The following ECPAS variants were observed in gnomAD, a reference collection of about 807,000 sequenced individuals.
The protein encoded by ECPAS is proteasome adapter and scaffold protein ECM29.
Under a neutral mutation model 255.1 loss-of-function variants are expected in ECPAS, and 70 were observed. That is an observed-to-expected ratio of 0.27 (90% CI 0.23 to 0.33). The LOEUF (loss-of-function observed/expected upper bound fraction) is 0.33, where lower values mean the gene tolerates loss of function less well. Ranked by LOEUF, ECPAS falls within the 10% of genes least tolerant of loss-of-function variation. ECPAS has a pLI of 1.00. For missense variants in ECPAS, 1,817 were observed against 2,206.4 expected (o/e 0.82, Z 3.54); for synonymous variants, 784 against 775.0 (o/e 1.01, Z -0.19).
At chr9:111,381,802 A>C (rs957432415) in intron 35 of ECPAS, among the ~76,000 whole-genome samples, 1 of 152,188 alleles carries the variant, frequency 6.6e-6, no homozygotes, top group Non-Finnish European at 1.5e-5. Context: ...TTAGCTTCTT[A>C]AACAGTTGGC....
intron 4 of ECPAS, among the ~76,000 whole-genome samples, chr9:111,443,127 A>G (rs1199619710): frequency 6.6e-6 from 1 of 152,232 alleles, no homozygotes; most frequent in Non-Finnish European, 1.5e-5. Context: ...TTTGATCCCA[A>G]GCAATTCAGA....
rs1168578783 is a variant in ECPAS, at chr9:111,484,239, GGGCCGAGCGGGCCCGGGCTGCCCTAGC to G, written c.-233_-207del. On this transcript the variant is annotated 5_prime_UTR_variant, in exon 1 of 50. Coordinates refer to ENST00000684092, the MANE Select transcript of ECPAS (RefSeq NM_001364929.1). ...CGCGCGCCGCAGTCCGTGAGGGGCTGGGCCGAGCGGGCCCGGGCTGCCCTAGCGGCCGGGGGAAATCCTCGAGGCGGG... is the reference window on the plus strand; with the variant it reads ...CGCGCGCCGCAGTCCGTGAGGGGCTGGGCCGGGGGAAATCCTCGAGGCGGG... The G allele has an allele frequency of 1.4e-6, 2 of 1,473,826 alleles. No homozygotes were observed. The highest frequency in any genetic ancestry group is 1.8e-6 in the Non-Finnish European group (2 of 1,118,856). The allele number at this position is 1,473,826 out of a possible 1,614,324, so 91.3% of individuals were successfully genotyped here.
chr9:111,465,730 T>G (rs887551212), intron 2 of ECPAS, among the ~76,000 whole-genome samples: 1 of 151,980 alleles, frequency 6.6e-6, no homozygotes, highest in Admixed American at 6.6e-5. Context: ...ATTTTTTGAT[T>G]AGAAAAAAAC....
At position 111,414,606 on chromosome 9, in the gene ECPAS, C is replaced by T. The variant is rs775855644; in HGVS notation, c.1810G>A (p.Val604Met). 3.7e-6 allele frequency: 6 copies of T among 1,613,882 alleles called. No individual in the cohort carries two copies. The highest frequency in any genetic ancestry group is 5.1e-6 in the Non-Finnish European group (6 of 1,179,872). The change falls in exon 19 of 50, where the codon GTG becomes ATG. Residue 604 changes from valine to methionine, a missense_variant. Physicochemically the swap from Val to Met is conservative, Grantham distance 21 (BLOSUM62 1). Transcript: ENST00000684092. ...TCAGCCAAACTCTGAGAGGTGGGCACCACCCCCGCACTGTGCGCAAGGCAC... is the reference window on the plus strand; with the variant it reads ...TCAGCCAAACTCTGAGAGGTGGGCATCACCCCCGCACTGTGCGCAAGGCAC... ...RMCLAHSAGV[V>M]PTSQSLADMQ...
Position 111,371,680 on chromosome 9 carries a change from G to C in ECPAS, c.4678C>G (p.Leu1560Val). Reference sequence around the variant, plus strand: ...AGCAATGCGGTCAGTATCATTCCGAGATATGGAGGTACTAGAGAGCTAGTC... The same window carrying C: ...AGCAATGCGGTCAGTATCATTCCGACATATGGAGGTACTAGAGAGCTAGTC... ...KQTSSLVPPY[L>V]GMILTALLQG... is the part of the protein sequence containing the mutation. Residue 1560 changes from leucine to valine, a missense_variant, in exon 43 of 50, where the codon CTC becomes GTC. By Grantham distance (32) the Leu-to-Val change is conservative. Transcript: ENST00000684092. 1.2e-6 allele frequency: 2 copies of C among 1,613,864 alleles called. No homozygotes were observed. Among genetic ancestry groups the C allele is most frequent in the Non-Finnish European group, 1.7e-6 (2 of 1,179,806 alleles).
At chr9:111,421,411 G>GTA (rs769663164) in intron 15 of ECPAS, among the ~76,000 whole-genome samples, 2 of 47,598 alleles carry the variant, frequency 4.2e-5, no homozygotes, top group African/African-American at 2.0e-4. Context: ...TTACATATAT[G>GTA]TGTGTGTGTG....
intron 26 of ECPAS, 113 bp downstream of exon 26, chr9:111,394,047 A>G: frequency 2.0e-6 from 2 of 1,023,698 alleles, no homozygotes; most frequent in Middle Eastern, 2.5e-4. Context: ...CTTCATGTAC[A>G]ATGTATTTCA....
intron 2 of ECPAS, among the ~76,000 whole-genome samples, chr9:111,470,894 C>G (rs1346493027): frequency 8.6e-5 from 13 of 151,996 alleles, no homozygotes; most frequent in Admixed American, 8.5e-4. Context: ...ACACTGAGGT[C>G]CACAAGGCCC....
chr9:111,456,646 C>T (rs1794198571), intron 2 of ECPAS, among the ~76,000 whole-genome samples: 1 of 152,170 alleles, frequency 6.6e-6, no homozygotes, highest in South Asian at 2.1e-4. Context: ...AAGAAGCTAA[C>T]TCCATATGTG....
chr9:111,448,595 C>T (rs1487802006), intron 3 of ECPAS, among the ~76,000 whole-genome samples: 6 of 152,200 alleles, frequency 3.9e-5, no homozygotes, highest in African/African-American at 1.4e-4. Context: ...AAGACAGGTT[C>T]AAGACATGAA....
intron 25 of ECPAS, 90 bp from the exon 26 acceptor site, chr9:111,394,395 C>T (rs1230471834): frequency 8.6e-7 from 1 of 1,167,930 alleles, no homozygotes; most frequent in Non-Finnish European, 1.1e-6. Flanking sequence ...ATTTACTCAA[C>T]AGAACAATCC....
chr9:111,374,999 G>T, intron 38 of ECPAS, 114 bp downstream of exon 38: 1 of 749,792 alleles, frequency 1.3e-6, no homozygotes, highest in East Asian at 2.7e-5. Flanking sequence ...AAAATGGTTA[G>T]TGTATAATAT....
intron 2 of ECPAS, among the ~76,000 whole-genome samples, chr9:111,466,934 A>T (rs1293174374): frequency 1.3e-5 from 2 of 152,212 alleles, no homozygotes; most frequent in Non-Finnish European, 2.9e-5. Context: ...TAAATAATTC[A>T]AATTTATCTT....
intron 2 of ECPAS, among the ~76,000 whole-genome samples, chr9:111,466,564 A>G (rs1007187083): frequency 9.2e-5 from 14 of 152,152 alleles, no homozygotes; most frequent in African/African-American, 3.1e-4. Context: ...CATGTTAACT[A>G]TGACATTCTT....
intron 3 of ECPAS, among the ~76,000 whole-genome samples, chr9:111,445,499 ACT>A (rs2098251700): frequency 6.6e-6 from 1 of 152,058 alleles, no homozygotes; most frequent in South Asian, 2.1e-4. Context: ...TGACAGGAAC[ACT>A]GAGTCCTTAA....
intron 24 of ECPAS, among the ~76,000 whole-genome samples, chr9:111,401,389 G>A (rs2098175833): frequency 6.6e-6 from 1 of 152,240 alleles, no homozygotes. Context: ...TTTGAAAGGG[G>A]AGGGGGGTGT....
chr9:111,440,247 T>C (rs1233969392), intron 6 of ECPAS, 125 bp downstream of exon 6: 11 of 837,772 alleles, frequency 1.3e-5, no homozygotes, highest in South Asian at 8.9e-5. Flanking sequence ...AAAAAAATCT[T>C]TGTAAACGTA....
chr9:111,438,295 A>G (rs2098240938), intron 6 of ECPAS, among the ~76,000 whole-genome samples: 1 of 152,242 alleles, frequency 6.6e-6, no homozygotes. Context: ...GGCATTAAGT[A>G]AATCAATCAA....
chr9:111,400,315 T>A (rs1017136268), intron 24 of ECPAS, among the ~76,000 whole-genome samples: 9 of 152,230 alleles, frequency 5.9e-5, no homozygotes, highest in African/African-American at 2.2e-4. Context: ...AAGGCCAGAC[T>A]GTGAAGACTG....
Sources: allele counts gnomAD v4.1 joint callset (sites outside exome capture counted in the v4.1 genomes callset), GRCh38; gene constraint gnomAD v4.1.1; transcripts MANE v1.5; gene names NCBI Gene and HGNC (gene_info 2026-07-23, HGNC 2026-07-21).